CARMIL1: variants seen among roughly 807,000 people sequenced by gnomAD.
CARMIL1 encodes the protein capping protein regulator and myosin 1 linker 1.
In CARMIL1, 90 loss-of-function variants were observed where a neutral mutation model predicts 177.1. The ratio of observed to expected loss-of-function variants is 0.51; its 90% CI spans 0.43 to 0.61. The LOEUF is 0.61. CARMIL1 is among the 20% of genes least tolerant of loss of function. The probability of loss-of-function intolerance (pLI) is 0.00; values close to 1 mark genes in which losing one functional copy is unlikely to be tolerated. For synonymous variants in CARMIL1, 577 were observed against 606.2 expected (o/e 0.95, Z 0.71); for missense variants, 1,380 against 1,667.0 (o/e 0.83, Z 3.00).
intron 2 of CARMIL1, among the ~76,000 whole-genome samples, chr6:25,313,829 G>GT (rs999887822): frequency 1.2e-4 from 18 of 151,046 alleles, no homozygotes; most frequent in South Asian, 8.5e-4. Context: ...CCTTTCAACT[G>GT]TTTTTTTTCA....
intron 8 of CARMIL1, among the ~76,000 whole-genome samples, chr6:25,450,984 C>CT (rs201942523): frequency 0.5 from 3,063 of 6,100 alleles, 1,139 homozygotes; most frequent in East Asian, 0.77. Context: ...CTCCTCTCCC[C>CT]CTCCCCTCTC....
rs768414055 is a variant in CARMIL1, at chr6:25,600,639, A to C, written c.3445A>C (p.Lys1149Gln). 9.9e-6 allele frequency: 16 copies of C among 1,613,918 alleles called. No homozygotes were observed. The highest frequency in any genetic ancestry group is 2.2e-5 in the East Asian group (1 of 44,884). ...AGGGAAGGTGGAACGGAGTGACAGC[A>C]AGAGCAGCCCACAGGCAGGGCGGAG... ...EIGKVERSDS[K>Q]SSPQAGRRYG... The change falls in exon 33 of 37, where the codon AAG becomes CAG. Residue 1149 changes from lysine to glutamine, a missense_variant. By Grantham distance (53) the Lys-to-Gln change is moderately conservative. Coordinates refer to ENST00000329474, the MANE Select transcript of CARMIL1 (RefSeq NM_017640.6).
chr6:25,460,743 A>G (rs1375735958), intron 8 of CARMIL1, among the ~76,000 whole-genome samples: 3 of 152,210 alleles, frequency 2.0e-5, no homozygotes, highest in Non-Finnish European at 2.9e-5. Context: ...TAATTTATCC[A>G]TTCTAGTGAA....
chr6:25,563,474 C>A (rs557255490), intron 29 of CARMIL1: 1 of 985,370 alleles, frequency 1.0e-6, no homozygotes, highest in Non-Finnish European at 1.2e-6. Context: ...TTAAAGAGGA[C>A]TTGTTTACCC....
intron 2 of CARMIL1, among the ~76,000 whole-genome samples, chr6:25,391,175 G>A (rs1448854447): frequency 6.6e-6 from 1 of 152,202 alleles, no homozygotes; most frequent in South Asian, 2.1e-4. Flanking sequence ...TTTCAATAAT[G>A]TTCACTAATT....
chr6:25,356,843 G>A (rs1388848511), intron 2 of CARMIL1, among the ~76,000 whole-genome samples: 2 of 152,218 alleles, frequency 1.3e-5, no homozygotes, highest in African/African-American at 4.8e-5. Flanking sequence ...TCTGTGGTCT[G>A]TCCAGCAGAC....
intron 2 of CARMIL1, among the ~76,000 whole-genome samples, chr6:25,379,580 G>T (rs1314933373): frequency 6.6e-6 from 1 of 152,178 alleles, no homozygotes; most frequent in Admixed American, 6.5e-5. Context: ...GTCAGGCTGT[G>T]TGTCTTGAGG....
At chr6:25,452,387 C>T (rs566868885) in intron 8 of CARMIL1, 73 of 601,252 alleles carry the variant, frequency 1.2e-4, no homozygotes, top group African/African-American at 1.2e-3. Context: ...TCCAATAAAA[C>T]AAGAAAATTG....
chr6:25,458,703 G>A (rs374108151), intron 8 of CARMIL1, among the ~76,000 whole-genome samples: 1 of 152,018 alleles, frequency 6.6e-6, no homozygotes, highest in Non-Finnish European at 1.5e-5. Context: ...GTTAAGACAC[G>A]GGATCATGAG....
chr6:25,364,922 C>T (rs1789614548), intron 2 of CARMIL1, among the ~76,000 whole-genome samples: 2 of 152,074 alleles, frequency 1.3e-5, no homozygotes, highest in Non-Finnish European at 2.9e-5. Flanking sequence ...GACCAGGAAG[C>T]GAGGAGGGGC....
At chr6:25,289,717 G>A (rs1781792098) in intron 2 of CARMIL1, among the ~76,000 whole-genome samples, 1 of 152,076 alleles carries the variant, frequency 6.6e-6, no homozygotes, top group Admixed American at 6.5e-5. Context: ...TTTGGGATTG[G>A]TTGTTCTTGC....
At chr6:25,450,987 C>CTT (rs1562155616) in intron 8 of CARMIL1, among the ~76,000 whole-genome samples, 82 of 20,778 alleles carry the variant, frequency 3.9e-3, no homozygotes, top group Non-Finnish European at 7.7e-3. Flanking sequence ...CTCTCCCCCT[C>CTT]CCCTCTCCCC....
At chr6:25,570,558 CAAAG>C in intron 29 of CARMIL1, among the ~76,000 whole-genome samples, 1 of 152,176 alleles carries the variant, frequency 6.6e-6, no homozygotes, top group South Asian at 2.1e-4. Flanking sequence ...GAAAATGTGA[CAAAG>C]GAAGATAAAT....
intron 25 of CARMIL1, 31 bp downstream of exon 25, chr6:25,538,014 TG>T: frequency 6.4e-7 from 1 of 1,560,484 alleles, no homozygotes; most frequent in Non-Finnish European, 8.7e-7. Context: ...TGTGAGAGTC[TG>T]GTATAATAAA....
intron 11 of CARMIL1, among the ~76,000 whole-genome samples, chr6:25,474,735 G>A (rs1388059163): frequency 6.6e-6 from 1 of 152,244 alleles, no homozygotes; most frequent in East Asian, 1.9e-4. Context: ...AGATACTACA[G>A]AGAGGTGAAT....
chr6:25,570,191 C>T (rs1055679646), intron 29 of CARMIL1, among the ~76,000 whole-genome samples: 1 of 152,212 alleles, frequency 6.6e-6, no homozygotes, highest in Admixed American at 6.5e-5. Flanking sequence ...GTCTCGATCT[C>T]CTGAGCTCGT....
At chr6:25,598,409 T>G (rs1234117463) in intron 32 of CARMIL1, among the ~76,000 whole-genome samples, 1 of 152,020 alleles carries the variant, frequency 6.6e-6, no homozygotes, top group Non-Finnish European at 1.5e-5. Context: ...CAGCTAATTT[T>G]TGTATTTTTT....
chr6:25,486,257 C>G (rs565482777), intron 12 of CARMIL1, among the ~76,000 whole-genome samples: 5 of 152,078 alleles, frequency 3.3e-5, no homozygotes, highest in Non-Finnish European at 5.9e-5. Flanking sequence ...CTTATTAACA[C>G]AGGCCTCATG....
chr6:25,575,273 A>G lies in CARMIL1; in HGVS notation c.2743-5651A>G, dbSNP rs141185836. Among the ~76,000 whole-genome samples, 514 of 152,324 alleles carry G rather than the reference A, an allele frequency of 3.4e-3. 2 individuals carry two copies. Among genetic ancestry groups the G allele is most frequent in the African/African-American group, 0.011 (441 of 41,562 alleles). On this transcript the variant is annotated intron_variant, in intron 29 of 36. Coordinates refer to ENST00000329474, the MANE Select transcript of CARMIL1 (RefSeq NM_017640.6). Reference sequence around the variant, plus strand: ...GTGGACAAGAGTAGCAGAATGAACTATTAATCTTCCTTCTATCAAAAAGTT... The same window carrying G: ...GTGGACAAGAGTAGCAGAATGAACTGTTAATCTTCCTTCTATCAAAAAGTT...
Sources: gnomAD v4.1 joint callset for allele counts (sites outside exome capture counted in the v4.1 genomes callset) on GRCh38, gnomAD v4.1.1 for gene constraint, MANE v1.5 for transcripts, NCBI Gene and HGNC (gene_info 2026-07-23, HGNC 2026-07-21) for gene names.